The following FAM120A variants were observed in gnomAD, a reference collection of about 807,000 sequenced individuals.
FAM120A encodes constitutive coactivator of PPAR-gamma-like protein 1.
In FAM120A, 15 loss-of-function variants were observed where a neutral mutation model predicts 109.7. That is an observed-to-expected ratio of 0.14 (90% CI 0.09 to 0.21). The LOEUF is 0.21. Ranked by LOEUF, FAM120A falls within the 10% of genes least tolerant of loss-of-function variation. The pLI, the probability that FAM120A is intolerant of heterozygous loss-of-function variation, is 1.00. For synonymous variants in FAM120A, 493 were observed against 572.8 expected, an observed-to-expected ratio of 0.86 and a Z score of 1.99; for missense variants, 899 against 1,439.3, an observed-to-expected ratio of 0.62 and a Z score of 6.07.
intron 12 of FAM120A, among the ~76,000 whole-genome samples, chr9:93,553,388 C>T (rs555160437): frequency 6.6e-6 from 1 of 152,246 alleles, no homozygotes; most frequent in African/African-American, 2.4e-5. Context: ...GCTTTAAAGA[C>T]AGTATTAGGG....
At chr9:93,562,595 G>T (rs1862505841) in intron 17 of FAM120A, among the ~76,000 whole-genome samples, 1 of 151,980 alleles carries the variant, frequency 6.6e-6, no homozygotes, top group Admixed American at 6.6e-5. Context: ...GGCTTACCTT[G>T]GGCATTGCCT....
At chr9:93,542,152 G>T (rs1378299078) in intron 10 of FAM120A, among the ~76,000 whole-genome samples, 2 of 152,190 alleles carry the variant, frequency 1.3e-5, no homozygotes, top group Admixed American at 1.3e-4. Flanking sequence ...CCTGGTCTCC[G>T]TACAGACACT....
chr9:93,502,385 A>G (rs2131363502), intron 5 of FAM120A, among the ~76,000 whole-genome samples: 1 of 152,164 alleles, frequency 6.6e-6, no homozygotes, highest in South Asian at 2.1e-4. Context: ...GGGCCTTAGG[A>G]ATTTATATTT....
chr9:93,559,345 G>GA (rs2131568403), intron 15 of FAM120A, among the ~76,000 whole-genome samples: 1 of 152,194 alleles, frequency 6.6e-6, no homozygotes, highest in East Asian at 1.9e-4. Flanking sequence ...CACATTTTGG[G>GA]ACTGCAGATC....
chr9:93,558,571 G>C lies in FAM120A; in HGVS notation c.2669-10G>C. The stretch of plus-strand genomic sequence containing the variant: ...ACTTCTCCCCTCTCTCTCTACCCCG[G>C]GTCCCACAGGCGTCTGTGGCTTTGG... On this transcript the variant is annotated splice_polypyrimidine_tract_variant and intron_variant, in intron 14 of 17. Coordinates refer to ENST00000277165, the MANE Select transcript of FAM120A (RefSeq NM_014612.5). 6.2e-7 allele frequency: 1 copy of C among 1,613,942 alleles called. No individual in the cohort carries two copies.
Position 93,457,251 on chromosome 9 carries a change from A to G in FAM120A, c.474+4862A>G, listed in dbSNP as rs959590474. ...GTTCCTGCTTTCAGTTCTTTTGGGT[A>G]TATACTCAGAAGTAGGATTGCTGGG... is the stretch of plus-strand genomic sequence containing the variant. On this transcript the variant is annotated intron_variant, in intron 1 of 17. Coordinates refer to ENST00000277165, the MANE Select transcript of FAM120A (RefSeq NM_014612.5). Among the ~76,000 whole-genome samples the G allele has an allele frequency of 2.0e-5, 3 of 152,132 alleles. No homozygotes were observed. The East Asian group carries it at 5.8e-4, about 29-fold the overall frequency.
At chr9:93,494,614 C>T (rs939301474) in intron 3 of FAM120A, among the ~76,000 whole-genome samples, 1 of 152,198 alleles carries the variant, frequency 6.6e-6, no homozygotes, top group Non-Finnish European at 1.5e-5. Context: ...CTGCAGGTTG[C>T]CAGTGGTCAG....
At chr9:93,486,433 A>G (rs1859057512) in intron 3 of FAM120A, among the ~76,000 whole-genome samples, 1 of 151,582 alleles carries the variant, frequency 6.6e-6, no homozygotes, top group Admixed American at 6.6e-5. Flanking sequence ...TTTTATGTGG[A>G]TGTTTTCATT....
intron 7 of FAM120A, among the ~76,000 whole-genome samples, chr9:93,525,957 T>C (rs1257024246): frequency 3.3e-5 from 5 of 152,260 alleles, no homozygotes; most frequent in East Asian, 1.9e-4. Flanking sequence ...CAGCTTTTTT[T>C]CCCCCTTTTT....
intron 5 of FAM120A, among the ~76,000 whole-genome samples, chr9:93,509,144 C>T (rs1454151572): frequency 6.6e-6 from 1 of 152,232 alleles, no homozygotes; most frequent in Non-Finnish European, 1.5e-5. Flanking sequence ...AGAGGCAGGT[C>T]CTCTAGGGCA....
chr9:93,455,277 A>G (rs1455103794), intron 1 of FAM120A, among the ~76,000 whole-genome samples: 2 of 152,256 alleles, frequency 1.3e-5, no homozygotes, highest in Non-Finnish European at 2.9e-5. Flanking sequence ...GAAAGAAGCC[A>G]GGTTCAAAAG....
intron 7 of FAM120A, chr9:93,523,358 G>A (rs1860923772): frequency 1.6e-6 from 2 of 1,285,782 alleles, no homozygotes; most frequent in South Asian, 2.5e-5. Context: ...GGATCCTGAG[G>A]CATGGGTAGG....
chr9:93,522,470 C>T (rs183083845), intron 7 of FAM120A, among the ~76,000 whole-genome samples: 337 of 152,246 alleles, frequency 2.2e-3, no homozygotes, highest in African/African-American at 7.8e-3. Flanking sequence ...AATATACTTA[C>T]GTAACTATGT....
chr9:93,551,994 G>T (rs1862118100), intron 12 of FAM120A, among the ~76,000 whole-genome samples: 6 of 152,170 alleles, frequency 3.9e-5, no homozygotes, highest in Admixed American at 3.9e-4. Flanking sequence ...GTCCTCACCT[G>T]GTTTGTCTCA....
intron 3 of FAM120A, among the ~76,000 whole-genome samples, chr9:93,494,503 G>C (rs573894230): frequency 6.6e-6 from 1 of 152,248 alleles, no homozygotes; most frequent in Admixed American, 6.5e-5. Flanking sequence ...TCCAGCATTC[G>C]TGGCCTGTTC....
At chr9:93,464,073 C>T (rs1448355324) in intron 1 of FAM120A, among the ~76,000 whole-genome samples, 1 of 152,154 alleles carries the variant, frequency 6.6e-6, no homozygotes, top group East Asian at 1.9e-4. Context: ...GTTCACCTAC[C>T]TGGTGCCAGA....
chr9:93,526,427 A>G (rs1257420740), intron 7 of FAM120A, among the ~76,000 whole-genome samples: 4 of 152,080 alleles, frequency 2.6e-5, no homozygotes, highest in South Asian at 2.1e-4. Flanking sequence ...GTATTCCCAG[A>G]CTGTTAATGG....
chr9:93,503,962 T>C (rs1859918615), intron 5 of FAM120A, among the ~76,000 whole-genome samples: 1 of 151,982 alleles, frequency 6.6e-6, no homozygotes, highest in Non-Finnish European at 1.5e-5. Flanking sequence ...TACAGATGAA[T>C]GTATAGTGGG....
rs751957127 is a variant in FAM120A, at chr9:93,454,436, G to C, written c.474+2047G>C. 4.6e-5 allele frequency among the ~76,000 whole-genome samples: 7 copies of C among 151,844 alleles called. No individual in the cohort carries two copies. The South Asian group carries it at 1.5e-3, about 32-fold the overall frequency. On this transcript the variant is annotated intron_variant, in intron 1 of 17. Coordinates refer to ENST00000277165, the MANE Select transcript of FAM120A (RefSeq NM_014612.5). The stretch of plus-strand genomic sequence containing the variant: ...GTGGGGGGTTGGCGGGTGTAGGGGG[G>C]TGCTTTTGCTTTCCTCACTGAAGAA...
Sources: gnomAD v4.1 joint callset for allele counts (sites outside exome capture counted in the v4.1 genomes callset) on GRCh38, gnomAD v4.1.1 for gene constraint, MANE v1.5 for transcripts, NCBI Gene and HGNC (gene_info 2026-07-23, HGNC 2026-07-21) for gene names.